Variants in MAST4 observed in about 807,000 individuals in gnomAD.
MAST4 encodes the protein microtubule associated serine/threonine kinase family member 4, also known as microtubule-associated serine/threonine-protein kinase 4.
In MAST4, 89 loss-of-function variants were observed where a neutral mutation model predicts 162.7. The observed-to-expected ratio is 0.55, with a 90% CI of 0.46 to 0.65. The LOEUF is 0.65. MAST4 is among the 30% of genes least tolerant of loss of function. MAST4 has a pLI of 0.00. For missense variants in MAST4, 3,153 were observed against 3,374.0 expected, an observed-to-expected ratio of 0.93 and a Z score of 1.62; for synonymous variants, 1,479 against 1,361.1, an observed-to-expected ratio of 1.09 and a Z score of -1.91.
intron 5 of MAST4, among the ~76,000 whole-genome samples, chr5:67,077,768 C>A (rs1418204907): frequency 6.6e-6 from 1 of 152,118 alleles, no homozygotes; most frequent in East Asian, 1.9e-4. Context: ...AAGAAATAAG[C>A]CCCATATAGA....
At chr5:66,972,608 A>G (rs536123968) in intron 4 of MAST4, among the ~76,000 whole-genome samples, 1 of 152,314 alleles carries the variant, frequency 6.6e-6, no homozygotes, top group East Asian at 1.9e-4. Context: ...TCAATATGCG[A>G]TGCTGACCAC....
chr5:66,870,320 G>A (rs1760836645), intron 3 of MAST4, among the ~76,000 whole-genome samples: 1 of 152,124 alleles, frequency 6.6e-6, no homozygotes, highest in Non-Finnish European at 1.5e-5. Context: ...TGGTTTGGAG[G>A]AAGATTGTGA....
intron 5 of MAST4, among the ~76,000 whole-genome samples, chr5:67,069,287 G>GATAGATAT (rs1554091653): frequency 9.3e-6 from 1 of 107,648 alleles, no homozygotes; most frequent in Non-Finnish European, 1.8e-5. Context: ...GAGGAGATTG[G>GATAGATAT]ATATATATAT....
intron 3 of MAST4, among the ~76,000 whole-genome samples, chr5:66,816,818 T>G (rs1756751937): frequency 6.6e-6 from 1 of 152,208 alleles, no homozygotes; most frequent in Non-Finnish European, 1.5e-5. Flanking sequence ...GTCTGCACTT[T>G]GGGATCACCT....
chr5:67,029,979 A>G (rs1485205398), intron 4 of MAST4, among the ~76,000 whole-genome samples: 6 of 152,084 alleles, frequency 3.9e-5, no homozygotes, highest in South Asian at 2.1e-4. Context: ...TCTAAATTAT[A>G]TACTTAAATT....
intron 3 of MAST4, among the ~76,000 whole-genome samples, chr5:66,847,031 C>T (rs1018329816): frequency 1.1e-4 from 16 of 152,018 alleles, no homozygotes; most frequent in African/African-American, 3.6e-4. Flanking sequence ...GATTTTCTTT[C>T]TTAGTGGACA....
intron 3 of MAST4, among the ~76,000 whole-genome samples, chr5:66,800,023 G>T (rs1419197426): frequency 6.6e-6 from 1 of 152,212 alleles, no homozygotes; most frequent in Non-Finnish European, 1.5e-5. Flanking sequence ...GACAAGAGGA[G>T]CTGATGTATT....
chr5:66,774,544 C>T (rs1237315192), intron 2 of MAST4, among the ~76,000 whole-genome samples: 1 of 152,204 alleles, frequency 6.6e-6, no homozygotes, highest in Non-Finnish European at 1.5e-5. Context: ...ACCTCTCTCT[C>T]CTTTGATACC....
At chr5:66,919,967 TC>T (rs1764418246) in intron 4 of MAST4, among the ~76,000 whole-genome samples, 18 of 109,976 alleles carry the variant, frequency 1.6e-4, no homozygotes, top group African/African-American at 4.7e-4. Flanking sequence ...CTTCCTTCCT[TC>T]CTTCCTTCTT....
At chr5:67,070,287 C>A (rs1273036527) in intron 5 of MAST4, among the ~76,000 whole-genome samples, 1 of 152,156 alleles carries the variant, frequency 6.6e-6, no homozygotes, top group Admixed American at 6.5e-5. Context: ...CAACACATTT[C>A]ACATAAGCAG....
chr5:66,898,581 A>G (rs1762826682), intron 3 of MAST4, among the ~76,000 whole-genome samples: 1 of 152,200 alleles, frequency 6.6e-6, no homozygotes, highest in Non-Finnish European at 1.5e-5. Flanking sequence ...TCTTGGAGCT[A>G]ATCAAGGATT....
chr5:67,056,932 T>C (rs555172072), intron 5 of MAST4, among the ~76,000 whole-genome samples: 59 of 152,118 alleles, frequency 3.9e-4, no homozygotes, highest in African/African-American at 1.4e-3. Context: ...CAAACTCCTG[T>C]GCTCAAGCAG....
chr5:67,090,610 A>G (rs1763758060), intron 6 of MAST4, among the ~76,000 whole-genome samples: 1 of 150,692 alleles, frequency 6.6e-6, no homozygotes, highest in Non-Finnish European at 1.5e-5. Context: ...GCAGCAATTT[A>G]GTGATCCCAT....
At chr5:66,714,410 C>T (rs1750688656) in intron 1 of MAST4, among the ~76,000 whole-genome samples, 1 of 152,170 alleles carries the variant, frequency 6.6e-6, no homozygotes, top group Non-Finnish European at 1.5e-5. Context: ...CTTTAAAAAT[C>T]TAGGAACTGA....
At chr5:67,011,605 G>A (rs1752680592) in intron 4 of MAST4, among the ~76,000 whole-genome samples, 1 of 152,176 alleles carries the variant, frequency 6.6e-6, no homozygotes, top group South Asian at 2.1e-4. Flanking sequence ...TAGAGCAGAG[G>A]AGAAAACTGA....
At chr5:66,599,817 T>C (rs935468421) in intron 1 of MAST4, among the ~76,000 whole-genome samples, 2 of 152,200 alleles carry the variant, frequency 1.3e-5, no homozygotes, top group Non-Finnish European at 2.9e-5. Context: ...AGAAAGGCAC[T>C]GAGTATAAAG....
At chr5:67,000,566 T>C (rs1419995642) in intron 4 of MAST4, among the ~76,000 whole-genome samples, 1 of 151,982 alleles carries the variant, frequency 6.6e-6, no homozygotes, top group Non-Finnish European at 1.5e-5. Context: ...CCTAACATGG[T>C]GAAACCCCGT....
At chr5:67,062,054 T>G (rs1195977045) in intron 5 of MAST4, among the ~76,000 whole-genome samples, 1 of 152,100 alleles carries the variant, frequency 6.6e-6, no homozygotes, top group Non-Finnish European at 1.5e-5. Context: ...GTGAGAACAA[T>G]TTAGTCATTA....
intron 4 of MAST4, among the ~76,000 whole-genome samples, chr5:66,967,469 A>G (rs1746880522): frequency 6.6e-6 from 1 of 152,156 alleles, no homozygotes; most frequent in Non-Finnish European, 1.5e-5. Flanking sequence ...TTGCACTGCC[A>G]TATGGAGGTT....
Sources: gnomAD v4.1 joint callset for allele counts (sites outside exome capture counted in the v4.1 genomes callset) on GRCh38, gnomAD v4.1.1 for gene constraint, MANE v1.5 for transcripts, NCBI Gene and HGNC (gene_info 2026-07-23, HGNC 2026-07-21) for gene names.